The following RSRC2 variants were observed in gnomAD, a reference collection of about 807,000 sequenced individuals.
RSRC2 encodes the protein arginine and serine rich coiled-coil 2, also known as arginine/serine-rich coiled-coil protein 2.
Under a neutral mutation model 61.3 loss-of-function variants are expected in RSRC2, and 5 were observed. The observed-to-expected ratio is 0.08, with a 90% CI of 0.04 to 0.17. The LOEUF (loss-of-function observed/expected upper bound fraction) is 0.17. Among genes scored for constraint, RSRC2 ranks in the 10% least tolerant of loss-of-function variants. The pLI is 1.00. For synonymous variants in RSRC2, 202 were observed against 166.5 expected (o/e 1.21, Z -1.64); for missense variants, 381 against 518.8 (o/e 0.73, Z 2.58).
At chr12:122,524,423 G>T (rs975579095) in intron 1 of RSRC2, among the ~76,000 whole-genome samples, 3 of 152,076 alleles carry the variant, frequency 2.0e-5, no homozygotes, top group Admixed American at 2.0e-4. Flanking sequence ...TTAACTAGTG[G>T]CAAATCCCAT....
At chr12:122,518,089 G>C (rs1373495147) in intron 4 of RSRC2, among the ~76,000 whole-genome samples, 3 of 151,970 alleles carry the variant, frequency 2.0e-5, no homozygotes, top group Non-Finnish European at 2.9e-5. Flanking sequence ...TTGAGCCCAG[G>C]GATTCGTGAA....
At chr12:122,521,759 A>C (rs1959228180) in intron 2 of RSRC2, among the ~76,000 whole-genome samples, 1 of 152,244 alleles carries the variant, frequency 6.6e-6, no homozygotes, top group Non-Finnish European at 1.5e-5. Context: ...GTAAGCCATT[A>C]AGAAAAATAA....
chr12:122,508,839 TCAG>T (rs1200892817), intron 7 of RSRC2, among the ~76,000 whole-genome samples: 1 of 151,540 alleles, frequency 6.6e-6, no homozygotes, highest in African/African-American at 2.4e-5. Flanking sequence ...GCCCGTAATC[TCAG>T]CTACTCGGGA....
At chr12:122,512,566 A>C (rs892691404) in intron 6 of RSRC2, among the ~76,000 whole-genome samples, 11 of 152,054 alleles carry the variant, frequency 7.2e-5, no homozygotes, top group Non-Finnish European at 1.6e-4. Flanking sequence ...TCCCGCATCT[A>C]CTAAAAATAC....
At chr12:122,510,847 A>G (rs928581594) in intron 7 of RSRC2, among the ~76,000 whole-genome samples, 2 of 152,174 alleles carry the variant, frequency 1.3e-5, no homozygotes, top group African/African-American at 4.8e-5. Context: ...GAGATCAAGA[A>G]TAGTCTTGGC....
intron 4 of RSRC2, among the ~76,000 whole-genome samples, chr12:122,517,865 C>T (rs1319644257): frequency 6.6e-6 from 1 of 152,128 alleles, no homozygotes; most frequent in Non-Finnish European, 1.5e-5. Context: ...TTTATCTATA[C>T]TCCAACATTA....
chr12:122,516,969 G>A (rs564656003), intron 5 of RSRC2, among the ~76,000 whole-genome samples: 6 of 152,216 alleles, frequency 3.9e-5, no homozygotes, highest in South Asian at 4.2e-4. Flanking sequence ...TGTAAACCAC[G>A]ACACCTAGCC....
At chr12:122,518,565 C>A (rs995412287) in intron 4 of RSRC2, among the ~76,000 whole-genome samples, 3 of 149,402 alleles carry the variant, frequency 2.0e-5, no homozygotes, top group Non-Finnish European at 4.4e-5. Context: ...TGCACTCCAG[C>A]CTGGGCAACA....
rs527941859 is a variant in RSRC2, at chr12:122,504,924, G to T, written c.*603C>A. ...TCACCACGGTATTGACTGTAGTATA[G>T]TTAACTGGCCTTAAAAAGGGTGGTG... On this transcript the variant is annotated 3_prime_UTR_variant, in exon 10 of 10. Coordinates refer to ENST00000331738, the MANE Select transcript of RSRC2 (RefSeq NM_023012.6). The T allele has an allele frequency of 6.5e-6, 1 of 152,706 alleles. No individual in the cohort carries two copies. Among genetic ancestry groups the T allele is most frequent in the South Asian group, 2.1e-4 (1 of 4,828 alleles). The allele number at this position is 152,706 out of a possible 1,614,324, so 9.5% of individuals were successfully genotyped here. A position where few individuals can be genotyped will look rare whatever the true frequency, so the allele number is the denominator to read the frequency against.
chr12:122,523,135 G>T (rs1267872598), intron 1 of RSRC2: 1 of 152,078 alleles, frequency 6.6e-6, no homozygotes, highest in Non-Finnish European at 1.5e-5. Flanking sequence ...GCTAGGAATG[G>T]TTTTTTACGT....
At chr12:122,513,236 T>TA (rs745810287) in intron 6 of RSRC2, among the ~76,000 whole-genome samples, 10 of 120,076 alleles carry the variant, frequency 8.3e-5, no homozygotes, top group African/African-American at 3.6e-4. Context: ...AATAAATAAA[T>TA]AAATAAATAA....
rs369093161 is a variant in RSRC2 at position 122,518,876 on chromosome 12, T to C, written c.361A>G (p.Arg121Gly). 1 of 1,614,042 alleles carries C rather than the reference T, an allele frequency of 6.2e-7. No individual in the cohort carries two copies. The change falls in exon 4 of 10, where the codon AGA (arginine) becomes GGA (glycine). Residue 121 changes from arginine to glycine, a missense_variant. This residue lies in a region of RSRC2 where 266 missense variants were observed against 270.5 expected (regional missense o/e 0.98). Transcript: ENST00000331738. ...RHKRKERKSS[R>G]GRSHSRSRSR... ...CTAGATCTTGAGTGACTTCTGCCTC[T>C]TGATGACTTTCTTTCTTTGCGTTTG...
chr12:122,525,283 G>A (rs1959957813), intron 1 of RSRC2, among the ~76,000 whole-genome samples: 6 of 152,132 alleles, frequency 3.9e-5, no homozygotes, highest in Non-Finnish European at 5.9e-5. Flanking sequence ...GTCTGAGGCA[G>A]GAGAATCGCT....
rs1358440609 is a variant in RSRC2, at chr12:122,513,240, TAAA to T, written c.725+1862_725+1864del. 4.2e-3 allele frequency among the ~76,000 whole-genome samples: 288 copies of T among 68,216 alleles called. 1 individual carries two copies. The highest frequency in any genetic ancestry group is 0.01 in the African/African-American group (266 of 25,568). The allele number at this position is 68,216 out of a possible 152,430, so 44.8% of individuals were successfully genotyped here. A position where few individuals can be genotyped will look rare whatever the true frequency, so the allele number is the denominator to read the frequency against. On this transcript the variant is annotated intron_variant, in intron 6 of 9. Transcript: ENST00000331738. ...ATAAATAAATAAATAAATAAATAAA[TAAA>T]TAAAATAAAATAAAAATAAAAAATA...
At chr12:122,523,821 A>G (rs968022267) in intron 1 of RSRC2, 19 of 152,226 alleles carry the variant, frequency 1.2e-4, no homozygotes, top group Non-Finnish European at 2.6e-4. Flanking sequence ...TTACTTCAAC[A>G]AGTATTTACT....
At position 122,515,174 on chromosome 12, in the gene RSRC2, C is replaced by T. The variant is rs780298275; in HGVS notation, c.656G>A (p.Arg219Gln). ...KPRRFSRSLS[R>Q]TPSPPPFRGR... ...TCTGAAGGGAGGTGGACTTGGAGTCCGGCTTAAACTTCTGCTAAATCTTCT... is the reference window on the plus strand; with the variant it reads ...TCTGAAGGGAGGTGGACTTGGAGTCTGGCTTAAACTTCTGCTAAATCTTCT... Residue 219 changes from arginine (R) to glutamine (Q), a missense_variant, in exon 6 of 10, where the codon CGG becomes CAG. Arg to Gln is a conservative substitution (Grantham distance 43). Coordinates refer to ENST00000331738, the MANE Select transcript of RSRC2 (RefSeq NM_023012.6). 8.7e-6 allele frequency: 14 copies of T among 1,613,924 alleles called. No homozygotes were observed. The highest frequency in any genetic ancestry group is 2.2e-5 in the East Asian group (1 of 44,886).
At chr12:122,524,170 C>T (rs1258502781) in intron 1 of RSRC2, among the ~76,000 whole-genome samples, 1 of 152,098 alleles carries the variant, frequency 6.6e-6, no homozygotes, top group Non-Finnish European at 1.5e-5. Flanking sequence ...ACTGCATCTC[C>T]GTATCTTTAC....
intron 9 of RSRC2, among the ~76,000 whole-genome samples, chr12:122,506,180 T>C (rs546510250): frequency 6.6e-6 from 1 of 152,078 alleles, no homozygotes; most frequent in African/African-American, 2.4e-5. Context: ...GAGGTCAGGA[T>C]TTCGAGACTA....
At chr12:122,507,391 T>A (rs1044293112) in intron 8 of RSRC2, 1 of 154,504 alleles carries the variant, frequency 6.5e-6, no homozygotes, top group Non-Finnish European at 1.4e-5. Flanking sequence ...TCAAAAATAA[T>A]AAAAATAAAA....
Sources: allele counts gnomAD v4.1 joint callset (sites outside exome capture counted in the v4.1 genomes callset), GRCh38; gene constraint gnomAD v4.1.1; regional missense constraint gnomAD v4.1.1; transcripts MANE v1.5; gene names NCBI Gene and HGNC (gene_info 2026-07-23, HGNC 2026-07-21).